The following POFUT3 variants were observed in gnomAD, a reference collection of about 807,000 sequenced individuals.
POFUT3 encodes GDP-fucose protein O-fucosyltransferase 3.
At chr8:33,360,225 G>A in the POFUT3 span, among the ~76,000 whole-genome samples, 82 of 151,720 alleles carry the variant, frequency 5.4e-4, no homozygotes, top group African/African-American at 1.9e-3. Flanking sequence ...CAGGCGGATC[G>A]TGAGGTCAGG....
the POFUT3 span, among the ~76,000 whole-genome samples, chr8:33,334,043 G>A: frequency 6.6e-6 from 1 of 152,064 alleles, no homozygotes; most frequent in Non-Finnish European, 1.5e-5. Flanking sequence ...TCTGTCTTGG[G>A]AAGCGTCACT....
the POFUT3 span, among the ~76,000 whole-genome samples, chr8:33,444,435 A>G: frequency 1.3e-5 from 2 of 152,118 alleles, no homozygotes; most frequent in South Asian, 2.1e-4. Context: ...GCAGGCTACC[A>G]TAAGGACTAG....
the POFUT3 span, among the ~76,000 whole-genome samples, chr8:33,451,575 TG>T: frequency 1.2e-4 from 18 of 152,080 alleles, no homozygotes; most frequent in Non-Finnish European, 2.2e-4. Context: ...TATATATGTA[TG>T]TGTGTACATA....
the POFUT3 span, among the ~76,000 whole-genome samples, chr8:33,359,446 G>C: frequency 1.3e-5 from 2 of 151,980 alleles, no homozygotes; most frequent in Non-Finnish European, 2.9e-5. Flanking sequence ...TCCAAACACA[G>C]AAAATTACTC....
chr8:33,366,368 C>G, the POFUT3 span, among the ~76,000 whole-genome samples: 1 of 151,974 alleles, frequency 6.6e-6, no homozygotes, highest in Non-Finnish European at 1.5e-5. Flanking sequence ...ATCAAACCTG[C>G]ACGTTGTGTA....
chr8:33,454,989 A>C, the POFUT3 span, among the ~76,000 whole-genome samples: 1 of 152,158 alleles, frequency 6.6e-6, no homozygotes, highest in Non-Finnish European at 1.5e-5. Context: ...AATGAAACCT[A>C]TGACAGGATA....
chr8:33,329,026 A>G, the POFUT3 span, among the ~76,000 whole-genome samples: 2 of 152,228 alleles, frequency 1.3e-5, no homozygotes, highest in Non-Finnish European at 2.9e-5. Context: ...TAGTGAATCT[A>G]TCGGACATCA....
At chr8:33,396,764 G>A in the POFUT3 span, among the ~76,000 whole-genome samples, 1 of 152,080 alleles carries the variant, frequency 6.6e-6, no homozygotes, top group African/African-American at 2.4e-5. Flanking sequence ...CTGAGACCCA[G>A]GTAACCACAA....
chr8:33,392,112 A>G, the POFUT3 span, among the ~76,000 whole-genome samples: 2 of 152,126 alleles, frequency 1.3e-5, no homozygotes, highest in Admixed American at 1.3e-4. Flanking sequence ...CCTTCCAGAA[A>G]TATTTCCCAT....
the POFUT3 span, among the ~76,000 whole-genome samples, chr8:33,311,478 A>C: frequency 6.6e-6 from 1 of 152,232 alleles, no homozygotes; most frequent in Non-Finnish European, 1.5e-5. Context: ...TTACTTTCTC[A>C]TCCAAGGGGA....
chr8:33,310,474 T>A, the POFUT3 span, among the ~76,000 whole-genome samples: 1 of 151,942 alleles, frequency 6.6e-6, no homozygotes, highest in African/African-American at 2.4e-5. Context: ...CACTTTGGCC[T>A]CAAGGCAGGC....
chr8:33,412,763 G>A, the POFUT3 span, among the ~76,000 whole-genome samples: 1 of 152,182 alleles, frequency 6.6e-6, no homozygotes, highest in Admixed American at 6.5e-5. Flanking sequence ...GAGCAGCTGG[G>A]ATTACAGGCG....
At chr8:33,455,658 G>C in the POFUT3 span, 1 of 342,816 alleles carries the variant, frequency 2.9e-6, no homozygotes, top group Non-Finnish European at 5.8e-6. Flanking sequence ...CGTTAAAGCA[G>C]TTAAAGTAAG....
the POFUT3 span, among the ~76,000 whole-genome samples, chr8:33,416,144 A>C: frequency 3.3e-5 from 5 of 152,242 alleles, no homozygotes; most frequent in African/African-American, 1.2e-4. Context: ...AAAATGTTTA[A>C]GTGTAACAGA....
the POFUT3 span, among the ~76,000 whole-genome samples, chr8:33,352,576 A>G: frequency 6.6e-6 from 1 of 152,186 alleles, no homozygotes; most frequent in Non-Finnish European, 1.5e-5. Context: ...GAGAAAGACA[A>G]AAAGTTGACT....
At chr8:33,377,311 T>G in the POFUT3 span, among the ~76,000 whole-genome samples, 2 of 151,952 alleles carry the variant, frequency 1.3e-5, no homozygotes, top group East Asian at 3.9e-4. Context: ...TTATCTTTTG[T>G]CAAAACAAAC....
At chr8:33,383,412 A>T in the POFUT3 span, among the ~76,000 whole-genome samples, 1 of 152,202 alleles carries the variant, frequency 6.6e-6, no homozygotes, top group African/African-American at 2.4e-5. Context: ...TATCACCAGC[A>T]CTCAACACCT....
chr8:33,423,591 C>A, the POFUT3 span, among the ~76,000 whole-genome samples: 118 of 152,116 alleles, frequency 7.8e-4, no homozygotes, highest in African/African-American at 2.7e-3. Context: ...GTTTTTGACC[C>A]TCACAGGCAT....
At chr8:33,434,330 A>C in the POFUT3 span, among the ~76,000 whole-genome samples, 2 of 152,020 alleles carry the variant, frequency 1.3e-5, no homozygotes. Context: ...GACCCTCTTG[A>C]ATCTGATTCT....
Sources: allele counts gnomAD v4.1 joint callset (sites outside exome capture counted in the v4.1 genomes callset), GRCh38; gene constraint gnomAD v4.1.1; transcripts MANE v1.5; gene names NCBI Gene and HGNC (gene_info 2026-07-23, HGNC 2026-07-21).